WNT6: variants seen among roughly 807,000 people sequenced by gnomAD.
WNT6 encodes protein Wnt-6.
Under a neutral mutation model 33.1 loss-of-function variants are expected in WNT6, and 27 were observed. The observed-to-expected ratio is 0.82, with a 90% CI of 0.60 to 1.12. The LOEUF (loss-of-function observed/expected upper bound fraction) is 1.12. Among genes scored for constraint, WNT6 ranks in the 50% most tolerant of loss-of-function variants. The pLI, the probability that WNT6 is intolerant of heterozygous loss-of-function variation, is 0.00. For missense variants in WNT6, 494 were observed against 535.3 expected (o/e 0.92, Z 0.76); for synonymous variants, 249 against 242.8 (o/e 1.03, Z -0.24).
At chr2:218,865,441 C>G (rs1287805793) in intron 1 of WNT6, among the ~76,000 whole-genome samples, 1 of 152,242 alleles carries the variant, frequency 6.6e-6, no homozygotes, top group African/African-American at 2.4e-5. Flanking sequence ...CCTCCAGTTC[C>G]TGAGCCCTCT....
intron 1 of WNT6, among the ~76,000 whole-genome samples, chr2:218,866,288 C>T (rs543965575): frequency 5.1e-4 from 77 of 152,168 alleles, no homozygotes; most frequent in Non-Finnish European, 1.0e-3. Flanking sequence ...CTTCAGAGGG[C>T]GTTGGGTAGC....
chr2:218,862,635 G>A (rs1373486787), intron 1 of WNT6, among the ~76,000 whole-genome samples: 3 of 151,986 alleles, frequency 2.0e-5, no homozygotes, highest in Non-Finnish European at 2.9e-5. Flanking sequence ...TGCCCGCCTC[G>A]GCCTCCCAAA....
Position 218,871,945 on chromosome 2 carries a change from T to TGCGC in WNT6, c.636+127_636+130dup. On this transcript the variant is annotated intron_variant, in intron 3 of 3. Transcript: ENST00000233948. The surrounding 1 kb of genome is among the most constrained non-coding windows in gnomAD (Gnocchi z 6.4). Reference sequence around the variant, plus strand: ...AGGGGGGCGTTAATGTGTGGGGGAGTGCGCACGGGCGGAAAGATGGGCTGC... The same window carrying TGCGC: ...AGGGGGGCGTTAATGTGTGGGGGAGTGCGCGCGCACGGGCGGAAAGATGGGCTGC... 1.7e-6 allele frequency: 1 copy of TGCGC among 573,556 alleles called. No homozygotes were observed. The highest frequency in any genetic ancestry group is 3.4e-5 in the South Asian group (1 of 29,012). 35.5% of individuals were successfully genotyped at this position (573,556 alleles called of 1,614,324 possible).
In WNT6 at chr2:218,867,561, C is replaced by T. The variant is rs963207105; in HGVS notation, c.81-3466C>T. Among the ~76,000 whole-genome samples the T allele has an allele frequency of 2.0e-5, 3 of 152,208 alleles. No individual in the cohort carries two copies. The highest frequency in any genetic ancestry group is 2.9e-5 in the Non-Finnish European group (2 of 68,034). Reference sequence around the variant, plus strand: ...ATCCATTGCCTTGTCCCTTCTTGTCCGCATACTGATTTCTTTTAGGGCTAG... The same window carrying T: ...ATCCATTGCCTTGTCCCTTCTTGTCTGCATACTGATTTCTTTTAGGGCTAG... On this transcript the variant is annotated intron_variant, in intron 1 of 3. Coordinates refer to ENST00000233948, the MANE Select transcript of WNT6 (RefSeq NM_006522.4). This position sits in a 1 kb window ranked among gnomAD's most constrained non-coding sequence, Gnocchi z 4.9.
At position 218,860,084 on chromosome 2, in the gene WNT6, T is replaced by C; in HGVS notation, c.47T>C (p.Leu16Pro). 1 of 1,527,282 alleles carries C rather than the reference T, an allele frequency of 6.5e-7. No individual in the cohort carries two copies. The highest frequency in any genetic ancestry group is 8.8e-7 in the Non-Finnish European group (1 of 1,142,334). 94.6% of individuals were successfully genotyped at this position (1,527,282 alleles called of 1,614,324 possible). Residue 16 changes from leucine to proline, a missense_variant, in exon 1 of 4, where the codon CTC becomes CCC. Transcript: ENST00000233948. ...PSRLGLLLLLLLCPAHVGGLW... is the reference protein window; with the variant it reads ...PSRLGLLLLLPLCPAHVGGLW... ...CGCCTCGGGCTGCTGCTGCTGCTGC[T>C]CCTGTGCCCGGCGCACGTCGGCGGA...
At chr2:218,872,555 T>C (rs1944412158) in intron 3 of WNT6, among the ~76,000 whole-genome samples, 2 of 152,114 alleles carry the variant, frequency 1.3e-5, no homozygotes, top group African/African-American at 4.8e-5. Flanking sequence ...CTGGGTGTGA[T>C]GGTTCCAGGA....
intron 1 of WNT6, among the ~76,000 whole-genome samples, chr2:218,863,807 G>A (rs1944331019): frequency 6.6e-6 from 1 of 152,158 alleles, no homozygotes; most frequent in Non-Finnish European, 1.5e-5. Flanking sequence ...CGAGATCCAT[G>A]CCACTGCACT....
chr2:218,874,122 T>C lies in WNT6; in HGVS notation c.*277T>C. On this transcript the variant is annotated 3_prime_UTR_variant, in exon 4 of 4. Coordinates refer to ENST00000233948, the MANE Select transcript of WNT6 (RefSeq NM_006522.4). The stretch of plus-strand genomic sequence containing the variant: ...CCTTGGCCTCTAGGAGGAAACAGTT[T>C]TTTAGACTGGAAAAAAGCCAGTCTA... 2.3e-6 allele frequency: 1 copy of C among 430,688 alleles called. No individual in the cohort carries two copies. The allele number at this position is 430,688 out of a possible 1,614,324, so 26.7% of individuals were successfully genotyped here.
Position 218,871,803 on chromosome 2 carries a change from A to G in WNT6, c.620A>G (p.Asn207Ser), listed in dbSNP as rs758355759. The G allele has an allele frequency of 1.3e-6, 2 of 1,591,794 alleles. No homozygotes were observed. The highest frequency in any genetic ancestry group is 1.7e-6 in the Non-Finnish European group (2 of 1,170,650). ...CGCGCGTTGGTGCAACTGCACAACA[A>G]CGAGGCGGGCAGGCTGGTGCGTACG... ...DIRALVQLHNNEAGRLAVRSH... is the reference protein window; with the variant it reads ...DIRALVQLHNSEAGRLAVRSH... The change falls in exon 3 of 4, where the codon AAC (asparagine) becomes AGC (serine). Residue 207 changes from asparagine (N) to serine (S), a missense_variant. Coordinates refer to ENST00000233948, the MANE Select transcript of WNT6 (RefSeq NM_006522.4). The surrounding 1 kb of genome is among the most constrained non-coding windows in gnomAD (Gnocchi z 6.4).
intron 1 of WNT6, among the ~76,000 whole-genome samples, chr2:218,864,676 C>G (rs940595204): frequency 6.6e-5 from 10 of 152,218 alleles, no homozygotes; most frequent in African/African-American, 2.2e-4. Context: ...CACCCACCCC[C>G]CTCCTGGAAA....
chr2:218,870,890 C>A, intron 1 of WNT6, 137 bp from the exon 2 acceptor site: 2 of 764,532 alleles, frequency 2.6e-6, no homozygotes, highest in South Asian at 1.8e-5. Context: ...ACAGGACAAT[C>A]TCAAGCTCAG....
chr2:218,869,472 T>C (rs1052068689), intron 1 of WNT6, among the ~76,000 whole-genome samples: 4 of 152,178 alleles, frequency 2.6e-5, no homozygotes, highest in Admixed American at 1.3e-4. Flanking sequence ...GTGGGGCGGA[T>C]ATGCACTAAA....
In WNT6 at chr2:218,867,775, A is replaced by G. The variant is rs1944365011; in HGVS notation, c.81-3252A>G. Among the ~76,000 whole-genome samples, 1 of 152,302 alleles carries G rather than the reference A, an allele frequency of 6.6e-6. No homozygotes were observed. Among genetic ancestry groups the G allele is most frequent in the South Asian group, 2.1e-4 (1 of 4,828 alleles). ...GCCTGAAAAGCAGAGTTCACTCCCT[A>G]AGGAAGCATAAAGCGAGGAAGGTGA... On this transcript the variant is annotated intron_variant, in intron 1 of 3. Coordinates refer to ENST00000233948, the MANE Select transcript of WNT6 (RefSeq NM_006522.4). This position sits in a 1 kb window ranked among gnomAD's most constrained non-coding sequence, Gnocchi z 4.9.
At chr2:218,866,320 G>A (rs1944354359) in intron 1 of WNT6, among the ~76,000 whole-genome samples, 2 of 152,158 alleles carry the variant, frequency 1.3e-5, no homozygotes, top group African/African-American at 4.8e-5. Context: ...GATCCCTTTG[G>A]CCTCAGTGAT....
In WNT6 at chr2:218,867,495, G is replaced by A. The variant is rs1045062339; in HGVS notation, c.81-3532G>A. On this transcript the variant is annotated intron_variant, in intron 1 of 3. Transcript: ENST00000233948. This position sits in a 1 kb window ranked among gnomAD's most constrained non-coding sequence, Gnocchi z 4.9. ...TTGATCCTACCAACCATGGTCCTTG[G>A]TAGAGAGACCTTGGCGCAGGCCAAG... is the stretch of plus-strand genomic sequence containing the variant. Among the ~76,000 whole-genome samples the A allele has an allele frequency of 6.6e-6, 1 of 152,218 alleles. No homozygotes were observed. Among genetic ancestry groups the A allele is most frequent in the African/African-American group, 2.4e-5 (1 of 41,446 alleles).
intron 1 of WNT6, among the ~76,000 whole-genome samples, chr2:218,863,126 T>C (rs551504011): frequency 2.6e-5 from 4 of 152,248 alleles, no homozygotes; most frequent in East Asian, 3.9e-4. Context: ...AAGATCAAGT[T>C]TGGGTTGATG....
rs1944363459 is a variant in WNT6, at chr2:218,867,524, GTTAGAATGACCATCCATTGCCTTGTCCC to G, written c.81-3500_81-3473del. On this transcript the variant is annotated intron_variant, in intron 1 of 3. Transcript: ENST00000233948. This position sits in a 1 kb window ranked among gnomAD's most constrained non-coding sequence, Gnocchi z 4.9. Reference sequence around the variant, plus strand: ...AGAGACCTTGGCGCAGGCCAAGCCGGTTAGAATGACCATCCATTGCCTTGTCCCTTCTTGTCCGCATACTGATTTCTTT... The same window carrying G: ...AGAGACCTTGGCGCAGGCCAAGCCGGTTCTTGTCCGCATACTGATTTCTTT... Among the ~76,000 whole-genome samples the G allele has an allele frequency of 2.0e-5, 3 of 152,204 alleles. No homozygotes were observed. Among genetic ancestry groups the G allele is most frequent in the Non-Finnish European group, 4.4e-5 (3 of 68,042 alleles).
In WNT6 at chr2:218,871,499, G is replaced by A; in HGVS notation, c.316G>A (p.Ala106Thr). ...RILQQDIRET[A>T]FVFAITAAGA... ...TGCATTCACAGACATTCGGGAGACG[G>A]CCTTCGTGTTCGCCATCACTGCGGC... The change falls in exon 3 of 4, where the codon GCC becomes ACC. Residue 106 changes from alanine (A) to threonine (T), a missense_variant. Coordinates refer to ENST00000233948, the MANE Select transcript of WNT6 (RefSeq NM_006522.4). The surrounding 1 kb of genome is among the most constrained non-coding windows in gnomAD (Gnocchi z 6.4). 1 of 1,597,534 alleles carries A rather than the reference G, an allele frequency of 6.3e-7. No individual in the cohort carries two copies. The highest frequency in any genetic ancestry group is 8.5e-7 in the Non-Finnish European group (1 of 1,179,344).
chr2:218,872,871 G>A (rs569169895), intron 3 of WNT6, among the ~76,000 whole-genome samples: 1 of 152,286 alleles, frequency 6.6e-6, no homozygotes, highest in Non-Finnish European at 1.5e-5. Flanking sequence ...GGAGGAGGGG[G>A]CCTGAAGAGG....
Sources: allele counts gnomAD v4.1 joint callset (sites outside exome capture counted in the v4.1 genomes callset), GRCh38; gene constraint gnomAD v4.1.1; non-coding constraint Gnocchi (gnomAD v3.1); transcripts MANE v1.5; gene names NCBI Gene and HGNC (gene_info 2026-07-23, HGNC 2026-07-21).